The following GSG1L variants were observed in gnomAD, a reference collection of about 807,000 sequenced individuals.
GSG1L encodes the protein GSG1 like.
In GSG1L, 24 loss-of-function variants were observed where a neutral mutation model predicts 42.1. That is an observed-to-expected ratio of 0.57 (90% CI 0.41 to 0.80). The LOEUF (loss-of-function observed/expected upper bound fraction) is 0.80. Ranked by LOEUF, GSG1L falls within the 30% of genes least tolerant of loss-of-function variation. The probability of loss-of-function intolerance (pLI) is 0.00; values close to 1 mark genes in which losing one functional copy is unlikely to be tolerated. For missense variants in GSG1L, 445 were observed against 472.2 expected, an observed-to-expected ratio of 0.94 and a Z score of 0.53; for synonymous variants, 215 against 203.5, an observed-to-expected ratio of 1.06 and a Z score of -0.48.
rs1431874787 is a variant in GSG1L, at chr16:28,063,474, C to G, written c.-50G>C. 1.8e-6 allele frequency: 2 copies of G among 1,114,880 alleles called. No individual in the cohort carries two copies. The highest frequency in any genetic ancestry group is 4.3e-5 in the South Asian group (1 of 23,200). 69.1% of individuals were successfully genotyped at this position (1,114,880 alleles called of 1,614,324 possible). A position where few individuals can be genotyped will look rare whatever the true frequency, so the allele number is the denominator to read the frequency against. ...CTGCACCGCCGGGGAGCTCCGCGCG[C>G]GAAGTTGGCAGCTGGCGCCCCGCGT... On this transcript the variant is annotated 5_prime_UTR_variant, in exon 1 of 7. Coordinates refer to ENST00000447459, the MANE Select transcript of GSG1L (RefSeq NM_001109763.2). The surrounding 1 kb of genome is among the most constrained non-coding windows in gnomAD (Gnocchi z 5.8).
chr16:27,888,549 T>C lies in GSG1L; in HGVS notation c.398-3911A>G, dbSNP rs908629726. Among the ~76,000 whole-genome samples the C allele has an allele frequency of 5.6e-4, 13 of 23,410 alleles. 1 individual carries two copies. The highest frequency in any genetic ancestry group is 1.0e-3 in the African/African-American group (9 of 8,630). The allele number at this position is 23,410 out of a possible 152,430, so 15.4% of individuals were successfully genotyped here. A position where few individuals can be genotyped will look rare whatever the true frequency, so the allele number is the denominator to read the frequency against. On this transcript the variant is annotated intron_variant, in intron 2 of 6. Coordinates refer to ENST00000447459, the MANE Select transcript of GSG1L (RefSeq NM_001109763.2). ...TTTCTTTCTTTCTTTCTTTCTTTCT[T>C]TCTTTCTTTCTTTCTTTCTTTCTTT...
chr16:27,937,643 G>A (rs929380293), intron 2 of GSG1L, among the ~76,000 whole-genome samples: 2 of 152,230 alleles, frequency 1.3e-5, no homozygotes, highest in South Asian at 2.1e-4. Context: ...AGACCAGGGC[G>A]ATGACTGGGG....
At chr16:27,980,133 G>C (rs542006482) in intron 1 of GSG1L, among the ~76,000 whole-genome samples, 27 of 152,148 alleles carry the variant, frequency 1.8e-4, no homozygotes, top group Non-Finnish European at 3.2e-4. Context: ...GCAAAATCAA[G>C]GGGGGTGGCC....
chr16:27,828,443 A>G lies in GSG1L; in HGVS notation c.830+346T>C, dbSNP rs143599565. Among the ~76,000 whole-genome samples, 1,493 of 152,322 alleles carry G rather than the reference A, an allele frequency of 9.8e-3. 29 individuals are homozygous for G. Among genetic ancestry groups the G allele is most frequent in the African/African-American group, 0.034 (1,406 of 41,574 alleles). The stretch of plus-strand genomic sequence containing the variant: ...CTGGGTCCTCTTTTCACTCAATGCC[A>G]TGACAGAGCCCAAGAAGGAAACCTT... On this transcript the variant is annotated intron_variant, in intron 5 of 6. Transcript: ENST00000447459.
chr16:27,828,666 C>G (rs932886964), intron 5 of GSG1L, 123 bp downstream of exon 5: 50 of 876,212 alleles, frequency 5.7e-5, no homozygotes, highest in Middle Eastern at 2.7e-4. Flanking sequence ...CTGCCTCCCC[C>G]CTCCATAACC....
chr16:27,878,540 A>G (rs7202475), intron 3 of GSG1L, among the ~76,000 whole-genome samples: 50,689 of 152,014 alleles, frequency 0.33, 8,696 homozygotes, highest in African/African-American at 0.41. Context: ...ATTTGGGTGG[A>G]GACACAGAGG....
intron 1 of GSG1L, among the ~76,000 whole-genome samples, chr16:27,994,743 T>C (rs1462025283): frequency 1.3e-5 from 2 of 152,176 alleles, no homozygotes; most frequent in Non-Finnish European, 2.9e-5. Context: ...ATAAAGGTGA[T>C]ATGAAAATAG....
rs534694553 is a variant in GSG1L at position 27,828,328 on chromosome 16, C to A, written c.830+461G>T. ...ACTGTTTATTGTCACCTCCTCTAAT[C>A]CCAGCTGGACCCTGAAGACTTGGGT... On this transcript the variant is annotated intron_variant, in intron 5 of 6. Transcript: ENST00000447459. 2.8e-4 allele frequency among the ~76,000 whole-genome samples: 42 copies of A among 152,342 alleles called. 3 individuals carry two copies. The South Asian group carries it at 8.7e-3, about 32-fold the overall frequency.
intron 6 of GSG1L, among the ~76,000 whole-genome samples, chr16:27,803,766 CATATATATATATATATATAT>C (rs3047681): frequency 2.5e-5 from 3 of 117,912 alleles, no homozygotes; most frequent in East Asian, 2.3e-4. Context: ...ACAGTGCAGA[CATATATATATATATATATAT>C]ATATATATAG....
chr16:28,008,748 T>C (rs2085674630), intron 1 of GSG1L, among the ~76,000 whole-genome samples: 1 of 152,170 alleles, frequency 6.6e-6, no homozygotes, highest in African/African-American at 2.4e-5. Flanking sequence ...CACATTTGAG[T>C]TACCTGAGGG....
chr16:27,826,272 TG>T (rs1373080963), intron 5 of GSG1L, among the ~76,000 whole-genome samples: 3 of 152,140 alleles, frequency 2.0e-5, no homozygotes, highest in African/African-American at 7.2e-5. Context: ...GGTACCTGTG[TG>T]GGTCTCCTCA....
At chr16:28,003,444 G>T (rs2085601206) in intron 1 of GSG1L, among the ~76,000 whole-genome samples, 1 of 152,098 alleles carries the variant, frequency 6.6e-6, no homozygotes, top group African/African-American at 2.4e-5. Flanking sequence ...TCCACCCCTT[G>T]TCCCTGTGAC....
intron 2 of GSG1L, among the ~76,000 whole-genome samples, chr16:27,938,054 A>C (rs1035915409): frequency 6.6e-6 from 1 of 152,092 alleles, no homozygotes; most frequent in African/African-American, 2.4e-5. Context: ...AGAGATTCTG[A>C]TTGGTCCAGT....
chr16:27,914,818 A>C (rs762192010), intron 2 of GSG1L, among the ~76,000 whole-genome samples: 2 of 152,202 alleles, frequency 1.3e-5, no homozygotes, highest in African/African-American at 4.8e-5. Flanking sequence ...AACCAGGCTG[A>C]TAGGTCAATC....
intron 3 of GSG1L, among the ~76,000 whole-genome samples, chr16:27,875,640 T>A (rs538237542): frequency 6.6e-6 from 1 of 152,324 alleles, no homozygotes; most frequent in South Asian, 2.1e-4. Context: ...TCCTGCTTGG[T>A]CCATGACTGA....
chr16:27,825,937 A>G lies in GSG1L; in HGVS notation c.830+2852T>C, dbSNP rs73517381. Among the ~76,000 whole-genome samples, 1,189 of 152,270 alleles carry G rather than the reference A, an allele frequency of 7.8e-3. 18 individuals carry two copies. The highest frequency in any genetic ancestry group is 0.027 in the African/African-American group (1,129 of 41,528). On this transcript the variant is annotated intron_variant, in intron 5 of 6. Coordinates refer to ENST00000447459, the MANE Select transcript of GSG1L (RefSeq NM_001109763.2). ...CCCAGCCCTTCTGAACTGTGAGTCA[A>G]TTAAACCTCTTTCTTTGATAAATTA...
chr16:27,948,759 G>A (rs914357356), intron 2 of GSG1L, among the ~76,000 whole-genome samples: 2 of 151,176 alleles, frequency 1.3e-5, no homozygotes, highest in South Asian at 2.1e-4. Context: ...ACAGGCGCCC[G>A]CCACCGCACC....
chr16:27,821,230 A>C (rs2083148085), intron 5 of GSG1L, among the ~76,000 whole-genome samples: 1 of 151,912 alleles, frequency 6.6e-6, no homozygotes, highest in Admixed American at 6.5e-5. Context: ...ACATGGGCCC[A>C]GTGTGGCCAG....
At chr16:27,844,240 C>G (rs2083418359) in intron 4 of GSG1L, among the ~76,000 whole-genome samples, 3 of 152,224 alleles carry the variant, frequency 2.0e-5, no homozygotes, top group African/African-American at 7.2e-5. Context: ...ATGAACACCC[C>G]TTGTTCACTT....
Sources: gnomAD v4.1 joint callset for allele counts (sites outside exome capture counted in the v4.1 genomes callset) on GRCh38, gnomAD v4.1.1 for gene constraint, Gnocchi (gnomAD v3.1) non-coding constraint, MANE v1.5 for transcripts, NCBI Gene and HGNC (gene_info 2026-07-23, HGNC 2026-07-21) for gene names.